Variants in ASAP2 observed in about 807,000 individuals in gnomAD.
ASAP2 encodes the protein arf-GAP with SH3 domain, ANK repeat and PH domain-containing protein 2.
Under a neutral mutation model 131.4 loss-of-function variants are expected in ASAP2, and 45 were observed. The ratio of observed to expected loss-of-function variants is 0.34; its 90% CI spans 0.27 to 0.44. The LOEUF is 0.44. Among genes scored for constraint, ASAP2 ranks in the 20% least tolerant of loss-of-function variants. ASAP2 has a pLI of 1.00. For missense variants in ASAP2, 1,011 were observed against 1,297.0 expected (o/e 0.78, Z 3.39); for synonymous variants, 510 against 503.0 (o/e 1.01, Z -0.19).
At chr2:9,344,904 G>A in intron 11 of ASAP2, 104 bp downstream of exon 11, 1 of 974,316 alleles carries the variant, frequency 1.0e-6, no homozygotes, top group Non-Finnish European at 1.6e-6. Flanking sequence ...GTGTGTGATG[G>A]TATTAAGGAT....
chr2:9,298,623 G>A (rs1668295976), intron 3 of ASAP2, among the ~76,000 whole-genome samples: 1 of 152,224 alleles, frequency 6.6e-6, no homozygotes. Flanking sequence ...GACACTGGCA[G>A]GCATGCATGG....
intron 6 of ASAP2, 23 bp from the exon 7 acceptor site, chr2:9,327,803 A>AT: frequency 1.3e-6 from 2 of 1,559,642 alleles, no homozygotes; most frequent in Non-Finnish European, 1.7e-6. Flanking sequence ...CTTCCATGAC[A>AT]TTTCCTTTTC....
chr2:9,225,360 C>CTG (rs1662684427), intron 1 of ASAP2, among the ~76,000 whole-genome samples: 1 of 152,154 alleles, frequency 6.6e-6, no homozygotes, highest in African/African-American at 2.4e-5. Flanking sequence ...GTCTAGTGGT[C>CTG]TGTAGGACGC....
chr2:9,366,922 G>T (rs1352121649), intron 15 of ASAP2, among the ~76,000 whole-genome samples: 1 of 152,026 alleles, frequency 6.6e-6, no homozygotes, highest in Non-Finnish European at 1.5e-5. Flanking sequence ...ATCTAACCCA[G>T]ACCTCTTGGG....
intron 1 of ASAP2, among the ~76,000 whole-genome samples, chr2:9,272,672 T>C (rs1316663990): frequency 6.6e-6 from 1 of 152,134 alleles, no homozygotes. Flanking sequence ...CTTATAGGAG[T>C]TTCATAGTTT....
chr2:9,253,739 A>ACC (rs1664892688), intron 1 of ASAP2, among the ~76,000 whole-genome samples: 1 of 152,302 alleles, frequency 6.6e-6, no homozygotes, highest in South Asian at 2.1e-4. Flanking sequence ...ATGTATCTTT[A>ACC]GACCACTCCT....
At chr2:9,326,150 G>C (rs1426379735) in intron 6 of ASAP2, among the ~76,000 whole-genome samples, 1 of 152,216 alleles carries the variant, frequency 6.6e-6, no homozygotes, top group African/African-American at 2.4e-5. Context: ...GGAGGCTGAG[G>C]TGGGAGGATT....
In ASAP2 at chr2:9,322,983, G is replaced by A. The variant is rs920251243; in HGVS notation, c.471-138G>A. 127 of 1,000,756 alleles carry A rather than the reference G, an allele frequency of 1.3e-4. 1 individual carries two copies. Among genetic ancestry groups the A allele is most frequent in the Admixed American group, 6.2e-4 (25 of 40,392 alleles). 62.0% of individuals were successfully genotyped at this position (1,000,756 alleles called of 1,614,324 possible). A position where few individuals can be genotyped will look rare whatever the true frequency, so the allele number is the denominator to read the frequency against. ...GTGAGGACACCCATTTTCCTTTTGA[G>A]GGAGTTGAGAGGCTGCCTGTGCTGA... On this transcript the variant is annotated intron_variant, in intron 5 of 27. Transcript: ENST00000281419.
chr2:9,393,757 G>C, intron 24 of ASAP2, 110 bp downstream of exon 24: 1 of 1,205,686 alleles, frequency 8.3e-7, no homozygotes, highest in Admixed American at 3.0e-5. Flanking sequence ...TCCAGCGTGG[G>C]CGCCACATAA....
intron 1 of ASAP2, chr2:9,271,340 A>T (rs1414131184): frequency 2.8e-6 from 3 of 1,084,062 alleles, no homozygotes; most frequent in Non-Finnish European, 4.3e-6. Flanking sequence ...CTCTACGAGG[A>T]ACTGGCATAA....
intron 7 of ASAP2, among the ~76,000 whole-genome samples, chr2:9,329,575 T>A (rs964338480): frequency 3.9e-5 from 6 of 152,218 alleles, no homozygotes; most frequent in Non-Finnish European, 7.3e-5. Flanking sequence ...ACTCTGTGTG[T>A]TGTGGAGAAG....
Position 9,327,955 on chromosome 2 carries a change from G to C in ASAP2, c.686+44G>C. ...TGTTATCTTAAATGTTTGTTCATGTGTGGCAACTTCTGGTAGATCTATAGA... is the reference window on the plus strand; with the variant it reads ...TGTTATCTTAAATGTTTGTTCATGTCTGGCAACTTCTGGTAGATCTATAGA... On this transcript the variant is annotated intron_variant, in intron 7 of 27. Transcript: ENST00000281419. 3 of 1,427,490 alleles carry C rather than the reference G, an allele frequency of 2.1e-6. 1 individual carries two copies. The East Asian group carries it at 7.6e-5, about 36-fold the overall frequency. The allele number at this position is 1,427,490 out of a possible 1,614,324, so 88.4% of individuals were successfully genotyped here.
At position 9,395,594 on chromosome 2, in the gene ASAP2, C is replaced by CTTTTTTTTTTTTTTTTTTTTTTTTTTTT; in HGVS notation, c.2684+1951_2684+1978dup. 5.1e-5 allele frequency among the ~76,000 whole-genome samples: 3 copies of CTTTTTTTTTTTTTTTTTTTTTTTTTTTT among 59,048 alleles called. 1 individual carries two copies. Among genetic ancestry groups the CTTTTTTTTTTTTTTTTTTTTTTTTTTTT allele is most frequent in the Non-Finnish European group, 1.1e-4 (3 of 27,438 alleles). 38.7% of individuals were successfully genotyped at this position (59,048 alleles called of 152,430 possible). On this transcript the variant is annotated intron_variant, in intron 24 of 27. Coordinates refer to ENST00000281419, the MANE Select transcript of ASAP2 (RefSeq NM_003887.3). ...GTTTTGTTTTTCTTGTGTTTTTTTT[C>CTTTTTTTTTTTTTTTTTTTTTTTTTTTT]TTTTTTTTTTTTTTTTTTTTTTTTT...
At chr2:9,364,858 G>A (rs1420463284) in intron 15 of ASAP2, among the ~76,000 whole-genome samples, 1 of 152,158 alleles carries the variant, frequency 6.6e-6, no homozygotes, top group Admixed American at 6.5e-5. Flanking sequence ...GGTGTTCTAC[G>A]TACACTGTAT....
chr2:9,253,239 C>G (rs770791423), intron 1 of ASAP2, among the ~76,000 whole-genome samples: 2 of 152,110 alleles, frequency 1.3e-5, no homozygotes, highest in Non-Finnish European at 2.9e-5. Context: ...TATTGGCTCA[C>G]TGCAACCTCT....
At chr2:9,259,974 C>T (rs1558274562) in intron 1 of ASAP2, among the ~76,000 whole-genome samples, 1 of 152,188 alleles carries the variant, frequency 6.6e-6, no homozygotes, top group Non-Finnish European at 1.5e-5. Flanking sequence ...GCATCGCCCC[C>T]TCCCCTATCT....
At position 9,267,987 on chromosome 2, in the gene ASAP2, A is replaced by G. The variant is rs138154882; in HGVS notation, c.127-11330A>G. On this transcript the variant is annotated intron_variant, in intron 1 of 27. Transcript: ENST00000281419. ...GCGCCCCGCAGGCCTGTCCCATCGTAACGCCCTCAGAAGCTTCCCCTGCCC... is the reference window on the plus strand; with the variant it reads ...GCGCCCCGCAGGCCTGTCCCATCGTGACGCCCTCAGAAGCTTCCCCTGCCC... Among the ~76,000 whole-genome samples, 846 of 151,380 alleles carry G rather than the reference A, an allele frequency of 5.6e-3. 7 individuals are homozygous for G. The highest frequency in any genetic ancestry group is 0.02 in the African/African-American group (807 of 41,210).
intron 1 of ASAP2, among the ~76,000 whole-genome samples, chr2:9,261,925 C>A (rs1665601914): frequency 1.3e-5 from 2 of 152,218 alleles, no homozygotes; most frequent in Admixed American, 1.3e-4. Flanking sequence ...AAGAGAGAGG[C>A]CAGTTGGACC....
chr2:9,254,236 A>AATATATATATATATATATAT (rs34570938), intron 1 of ASAP2, among the ~76,000 whole-genome samples: 3 of 47,110 alleles, frequency 6.4e-5, no homozygotes, highest in South Asian at 6.6e-4. Flanking sequence ...AAAAAAAAAA[A>AATATATATATATATATATAT]ATATATATAT....
Sources: allele counts gnomAD v4.1 joint callset (sites outside exome capture counted in the v4.1 genomes callset), GRCh38; gene constraint gnomAD v4.1.1; transcripts MANE v1.5; gene names NCBI Gene and HGNC (gene_info 2026-07-23, HGNC 2026-07-21).